Variants in RAB2A observed in about 807,000 individuals in gnomAD.
The protein encoded by RAB2A is RAB2A, member RAS oncogene family.
In RAB2A, 7 loss-of-function variants were observed where a neutral mutation model predicts 32.5. The observed-to-expected ratio is 0.22, with a 90% CI of 0.12 to 0.40. The LOEUF is 0.40. Ranked by LOEUF, RAB2A falls within the 10% of genes least tolerant of loss-of-function variation. The pLI, the probability that RAB2A is intolerant of heterozygous loss-of-function variation, is 1.00. For missense variants in RAB2A, 108 were observed against 260.7 expected, an observed-to-expected ratio of 0.41 and a Z score of 4.03; for synonymous variants, 79 against 85.2, an observed-to-expected ratio of 0.93 and a Z score of 0.40.
chr8:60,547,103 G>C (rs1314215282), intron 1 of RAB2A, among the ~76,000 whole-genome samples: 6 of 150,908 alleles, frequency 4.0e-5, no homozygotes, highest in South Asian at 2.1e-4. Context: ...TGACTCTTAA[G>C]GAGCATGCTG....
At chr8:60,564,476 A>T (rs1808073975) in intron 2 of RAB2A, among the ~76,000 whole-genome samples, 4 of 152,160 alleles carry the variant, frequency 2.6e-5, no homozygotes, top group Admixed American at 2.6e-4. Context: ...CCACAGAATG[A>T]ATTGTTCATA....
intron 6 of RAB2A, among the ~76,000 whole-genome samples, chr8:60,610,201 C>G (rs1002359537): frequency 1.1e-4 from 16 of 151,834 alleles, no homozygotes; most frequent in African/African-American, 3.9e-4. Flanking sequence ...GCTGAAAATA[C>G]AACCAGCTAA....
Position 60,623,573 on chromosome 8 carries a change from A to G in RAB2A, c.*2804A>G, listed in dbSNP as rs1804563694. Reference sequence around the variant, plus strand: ...ACCAGCATATCTACCTGTATTTCTCAGAGTTTAGATGTGTGCTTTATGTTT... The same window carrying G: ...ACCAGCATATCTACCTGTATTTCTCGGAGTTTAGATGTGTGCTTTATGTTT... On this transcript the variant is annotated 3_prime_UTR_variant, in exon 8 of 8. Coordinates refer to ENST00000262646, the MANE Select transcript of RAB2A (RefSeq NM_002865.3). 6.6e-6 allele frequency: 1 copy of G among 152,218 alleles called. No individual in the cohort carries two copies. Among genetic ancestry groups the G allele is most frequent in the South Asian group, 2.1e-4 (1 of 4,830 alleles). 9.4% of individuals were successfully genotyped at this position (152,218 alleles called of 1,614,324 possible).
In RAB2A at chr8:60,517,148, CGGAGGAGGAGCAGCAGCG is replaced by C; in HGVS notation, c.-48_-31del. The stretch of plus-strand genomic sequence containing the variant: ...GCTGAGCGGCACCGGGGTTGGGGCG[CGGAGGAGGAGCAGCAGCG>C]GGAGGAGGAGCCGTGTGCCCTGGCA... On this transcript the variant is annotated 5_prime_UTR_variant, in exon 1 of 8. Coordinates refer to ENST00000262646, the MANE Select transcript of RAB2A (RefSeq NM_002865.3). The C allele has an allele frequency of 2.1e-6, 3 of 1,453,396 alleles. No homozygotes were observed. Among genetic ancestry groups the C allele is most frequent in the Non-Finnish European group, 2.7e-6 (3 of 1,096,744 alleles). 90.0% of individuals were successfully genotyped at this position (1,453,396 alleles called of 1,614,324 possible).
intron 1 of RAB2A, among the ~76,000 whole-genome samples, chr8:60,521,264 G>T (rs568638343): frequency 2.6e-4 from 39 of 152,336 alleles, no homozygotes; most frequent in African/African-American, 9.1e-4. Context: ...GCTGAAATTA[G>T]AATGATGAGT....
chr8:60,609,533 G>A (rs917623169), intron 6 of RAB2A, among the ~76,000 whole-genome samples: 4 of 152,194 alleles, frequency 2.6e-5, no homozygotes, highest in African/African-American at 7.2e-5. Context: ...GGATGAGTAA[G>A]TATGTATTTG....
chr8:60,596,000 C>CA (rs1222923655), intron 6 of RAB2A, among the ~76,000 whole-genome samples: 7 of 152,012 alleles, frequency 4.6e-5, no homozygotes, highest in Non-Finnish European at 8.8e-5. Context: ...TCTTGAATTA[C>CA]AAAAAACACA....
chr8:60,554,828 G>A (rs1235420991), intron 1 of RAB2A, among the ~76,000 whole-genome samples: 1 of 152,064 alleles, frequency 6.6e-6, no homozygotes, highest in African/African-American at 2.4e-5. Context: ...ACTCCAGCCT[G>A]GGCGACAGAG....
At chr8:60,566,530 C>T (rs965624627) in intron 2 of RAB2A, among the ~76,000 whole-genome samples, 1 of 152,108 alleles carries the variant, frequency 6.6e-6, no homozygotes, top group Admixed American at 6.5e-5. Context: ...GCAAAAATTA[C>T]ATACAATGTC....
intron 1 of RAB2A, among the ~76,000 whole-genome samples, chr8:60,544,096 AT>A (rs1352475462): frequency 6.7e-6 from 1 of 148,622 alleles, no homozygotes; most frequent in African/African-American, 2.5e-5. Flanking sequence ...TAAATTGCAG[AT>A]ATTTTCAATT....
At chr8:60,517,328 G>T in intron 1 of RAB2A, 75 bp downstream of exon 1, 1 of 1,325,228 alleles carries the variant, frequency 7.5e-7, no homozygotes, top group Non-Finnish European at 9.9e-7. Flanking sequence ...GGCGTCTGGC[G>T]GTGGCGGGGA....
At chr8:60,563,883 C>A (rs1422662979) in intron 2 of RAB2A, among the ~76,000 whole-genome samples, 2 of 152,156 alleles carry the variant, frequency 1.3e-5, no homozygotes, top group Non-Finnish European at 2.9e-5. Flanking sequence ...TTCCTGCATG[C>A]ACCCACAGTT....
chr8:60,530,144 CTTTT>C (rs1270851648), intron 1 of RAB2A, among the ~76,000 whole-genome samples: 5 of 104,148 alleles, frequency 4.8e-5, no homozygotes, highest in Non-Finnish European at 4.0e-5. Context: ...ATTTTTTTTT[CTTTT>C]TTTTTTTTTT....
chr8:60,541,944 A>G (rs534783321), intron 1 of RAB2A, among the ~76,000 whole-genome samples: 94 of 152,326 alleles, frequency 6.2e-4, no homozygotes, highest in African/African-American at 2.2e-3. Context: ...CCCTGAAACC[A>G]GACAGTTAAA....
intron 1 of RAB2A, among the ~76,000 whole-genome samples, chr8:60,555,141 G>A (rs1266989927): frequency 6.6e-6 from 1 of 152,180 alleles, no homozygotes; most frequent in African/African-American, 2.4e-5. Context: ...ATTGTGCTGG[G>A]AAAACTGGAT....
rs570703298 is a variant in RAB2A, at chr8:60,614,858, G to A, written c.475-3722G>A. ...GTGGCAGTTAAAGTCTGGGGGAAAGGAAAGGCTAGTGGTAAAATGAGAGAG... is the reference window on the plus strand; with the variant it reads ...GTGGCAGTTAAAGTCTGGGGGAAAGAAAAGGCTAGTGGTAAAATGAGAGAG... On this transcript the variant is annotated intron_variant, in intron 6 of 7. Transcript: ENST00000262646. 5.3e-5 allele frequency among the ~76,000 whole-genome samples: 8 copies of A among 152,298 alleles called. No individual in the cohort carries two copies. In the South Asian group the frequency reaches 1.2e-3, roughly 24 times the overall value.
intron 1 of RAB2A, among the ~76,000 whole-genome samples, chr8:60,554,150 A>G (rs1049050797): frequency 5.9e-5 from 9 of 152,234 alleles, no homozygotes; most frequent in African/African-American, 2.2e-4. Flanking sequence ...AGTTAATTGT[A>G]TCTGCATTTT....
intron 5 of RAB2A, chr8:60,591,625 C>G (rs1053274199): frequency 9.0e-6 from 3 of 333,576 alleles, no homozygotes; most frequent in Non-Finnish European, 1.7e-5. Context: ...CTAGTTCTAA[C>G]GTTCTAAAGC....
intron 1 of RAB2A, among the ~76,000 whole-genome samples, chr8:60,535,483 G>A (rs1807543691): frequency 6.6e-6 from 1 of 152,056 alleles, no homozygotes; most frequent in African/African-American, 2.4e-5. Context: ...TCATTTGAGG[G>A]TAAATCTTGA....
Sources: gnomAD v4.1 joint callset for allele counts (sites outside exome capture counted in the v4.1 genomes callset) on GRCh38, gnomAD v4.1.1 for gene constraint, MANE v1.5 for transcripts, NCBI Gene and HGNC (gene_info 2026-07-23, HGNC 2026-07-21) for gene names.